The following SREK1IP1 variants were observed in gnomAD, a reference collection of about 807,000 sequenced individuals.
The protein encoded by SREK1IP1 is SREK1 interacting protein 1, also known as protein SREK1IP1.
SREK1IP1 carries 12 observed loss-of-function variants against 22.8 expected under a neutral mutation model. That is an observed-to-expected ratio of 0.53 (90% CI 0.34 to 0.85). SREK1IP1 has a LOEUF of 0.85. Ranked by LOEUF, SREK1IP1 falls within the 40% of genes least tolerant of loss-of-function variation. The pLI is 0.02. For missense variants in SREK1IP1, 147 were observed against 171.8 expected (o/e 0.86, Z 0.81); for synonymous variants, 53 against 52.7 (o/e 1.01, Z -0.02).
rs1742125273 is a variant in SREK1IP1, at chr5:64,719,777, C to T, written c.*4607G>A. ...TGGGTTGTGCTATAGAAGAGGCACC[C>T]CAATTCTCTGCCACTCTACCTATTT... On this transcript the variant is annotated 3_prime_UTR_variant, in exon 5 of 5. Coordinates refer to ENST00000513458, the MANE Select transcript of SREK1IP1 (RefSeq NM_173829.4). The T allele has an allele frequency of 6.6e-6, 1 of 152,180 alleles. No individual in the cohort carries two copies. The highest frequency in any genetic ancestry group is 2.4e-5 in the African/African-American group (1 of 41,440). The allele number at this position is 152,180 out of a possible 1,614,324, so 9.4% of individuals were successfully genotyped here. A position where few individuals can be genotyped will look rare whatever the true frequency, so the allele number is the denominator to read the frequency against.
chr5:64,756,772 A>G (rs1419150939), intron 1 of SREK1IP1, among the ~76,000 whole-genome samples: 11 of 151,782 alleles, frequency 7.2e-5, no homozygotes, highest in African/African-American at 2.7e-4. Flanking sequence ...GACTACAGGC[A>G]CCCACCACCA....
rs59456636 is a variant in SREK1IP1 at position 64,757,861 on chromosome 5, C to CTTTTTTT, written c.14-3506_14-3500dup. ...GCTACTGTTTCTATTAGGTTCCTATCTTTTTTTTTTTTTTTTTTTTTTTTT... is the reference window on the plus strand; with the variant it reads ...GCTACTGTTTCTATTAGGTTCCTATCTTTTTTTTTTTTTTTTTTTTTTTTTTTTTTTT... On this transcript the variant is annotated intron_variant, in intron 1 of 4. Transcript: ENST00000513458. Among the ~76,000 whole-genome samples the CTTTTTTT allele has an allele frequency of 3.8e-4, 28 of 72,962 alleles. 5 individuals are homozygous for CTTTTTTT. The highest frequency in any genetic ancestry group is 1.4e-3 in the East Asian group (3 of 2,154). The allele number at this position is 72,962 out of a possible 152,430, so 47.9% of individuals were successfully genotyped here. A position where few individuals can be genotyped will look rare whatever the true frequency, so the allele number is the denominator to read the frequency against.
chr5:64,735,696 G>A (rs1742450618), intron 3 of SREK1IP1, among the ~76,000 whole-genome samples: 1 of 152,046 alleles, frequency 6.6e-6, no homozygotes, highest in African/African-American at 2.4e-5. Context: ...CACATGATCT[G>A]TAGTGTTATC....
Position 64,718,250 on chromosome 5 carries a change from A to T in SREK1IP1, c.*6134T>A. On this transcript the variant is annotated 3_prime_UTR_variant, in exon 5 of 5. Transcript: ENST00000513458. ...TTAAGATGTTTCTGTATCACATGAG[A>T]TTATGCTAATTATTCAGGAGAAATT... 2 of 378,122 alleles carry T rather than the reference A, an allele frequency of 5.3e-6. No individual in the cohort carries two copies. The highest frequency in any genetic ancestry group is 1.2e-4 in the South Asian group (2 of 16,006). The allele number at this position is 378,122 out of a possible 1,614,324, so 23.4% of individuals were successfully genotyped here.
At chr5:64,739,336 C>A (rs896021700) in intron 3 of SREK1IP1, among the ~76,000 whole-genome samples, 1 of 152,018 alleles carries the variant, frequency 6.6e-6, no homozygotes, top group Non-Finnish European at 1.5e-5. Context: ...ATGTTTTACC[C>A]TCTCTAGAAA....
chr5:64,729,201 T>C (rs1742330277), intron 3 of SREK1IP1, among the ~76,000 whole-genome samples: 1 of 152,226 alleles, frequency 6.6e-6, no homozygotes, highest in Non-Finnish European at 1.5e-5. Context: ...ATTTACTAAA[T>C]GCTTATGTGT....
At chr5:64,743,097 T>C in intron 2 of SREK1IP1, among the ~76,000 whole-genome samples, 1 of 152,212 alleles carries the variant, frequency 6.6e-6, no homozygotes, top group East Asian at 1.9e-4. Flanking sequence ...TAGGATGTAG[T>C]AAATTTAGGA....
rs190469238 is a variant in SREK1IP1, at chr5:64,734,737, T to C, written c.205+6320A>G. Among the ~76,000 whole-genome samples, 353 of 152,164 alleles carry C rather than the reference T, an allele frequency of 2.3e-3. 1 individual carries two copies. Among genetic ancestry groups the C allele is most frequent in the African/African-American group, 7.4e-3 (308 of 41,546 alleles). The stretch of plus-strand genomic sequence containing the variant: ...TCATTGCCAGTGTACAGAAATACAA[T>C]TGATTTCTGCTAACTGATCTTGTAG... On this transcript the variant is annotated intron_variant, in intron 3 of 4. Coordinates refer to ENST00000513458, the MANE Select transcript of SREK1IP1 (RefSeq NM_173829.4).
intron 2 of SREK1IP1, among the ~76,000 whole-genome samples, chr5:64,752,373 G>C (rs750510232): frequency 8.6e-5 from 13 of 151,832 alleles, no homozygotes; most frequent in African/African-American, 1.9e-4. Context: ...GGATGGTCTC[G>C]ATCTCCTGAC....
At chr5:64,726,729 A>G (rs574252569) in intron 4 of SREK1IP1, among the ~76,000 whole-genome samples, 4 of 152,168 alleles carry the variant, frequency 2.6e-5, no homozygotes, top group Non-Finnish European at 5.9e-5. Context: ...TGCTCAGAAC[A>G]CTTACATTAG....
intron 3 of SREK1IP1, among the ~76,000 whole-genome samples, chr5:64,729,272 T>C (rs61326384): frequency 0.043 from 6,481 of 152,248 alleles, 393 homozygotes; most frequent in African/African-American, 0.13. Flanking sequence ...AGGGAACTTA[T>C]AGTTAAGTGG....
chr5:64,734,924 G>A (rs993835909), intron 3 of SREK1IP1, among the ~76,000 whole-genome samples: 6 of 151,908 alleles, frequency 3.9e-5, no homozygotes, highest in Non-Finnish European at 4.4e-5. Flanking sequence ...TATTGCACTC[G>A]CTAGAATCTC....
At chr5:64,726,096 C>G (rs1742260064) in intron 4 of SREK1IP1, among the ~76,000 whole-genome samples, 1 of 151,568 alleles carries the variant, frequency 6.6e-6, no homozygotes, top group Non-Finnish European at 1.5e-5. Flanking sequence ...GTCTCAAACT[C>G]CAGACCTCAG....
chr5:64,725,882 G>A (rs1311542715), intron 4 of SREK1IP1, among the ~76,000 whole-genome samples: 1 of 91,518 alleles, frequency 1.1e-5, no homozygotes, highest in Admixed American at 1.3e-4. Flanking sequence ...TTTTTTTTCT[G>A]AGACAGAGTT....
chr5:64,745,673 G>A (rs1345068904), intron 2 of SREK1IP1, among the ~76,000 whole-genome samples: 1 of 151,642 alleles, frequency 6.6e-6, no homozygotes, highest in Non-Finnish European at 1.5e-5. Context: ...TCATTGAAAT[G>A]AATATTAAAA....
rs372372063 is a variant in SREK1IP1 at position 64,729,556 on chromosome 5, T to C, written c.206-1377A>G. On this transcript the variant is annotated intron_variant, in intron 3 of 4. Coordinates refer to ENST00000513458, the MANE Select transcript of SREK1IP1 (RefSeq NM_173829.4). ...GCAGGAACTTGCTTATTCAAGACCA[T>C]GAAGGCAACAGTAAGGATTTTACAT... 4.6e-5 allele frequency among the ~76,000 whole-genome samples: 7 copies of C among 152,210 alleles called. No homozygotes were observed. In the East Asian group the frequency reaches 1.4e-3, roughly 29 times the overall value.
chr5:64,742,674 C>G (rs1742570516), intron 2 of SREK1IP1, among the ~76,000 whole-genome samples: 1 of 152,072 alleles, frequency 6.6e-6, no homozygotes, highest in African/African-American at 2.4e-5. Flanking sequence ...TTATTTTTAT[C>G]CCCCACATCC....
At chr5:64,729,699 G>A (rs2112088161) in intron 3 of SREK1IP1, among the ~76,000 whole-genome samples, 1 of 152,248 alleles carries the variant, frequency 6.6e-6, no homozygotes, top group African/African-American at 2.4e-5. Context: ...CAGAGATGGT[G>A]TCCTGAGGTG....
intron 3 of SREK1IP1, among the ~76,000 whole-genome samples, chr5:64,731,587 T>A (rs1248771155): frequency 6.7e-6 from 1 of 148,184 alleles, no homozygotes; most frequent in African/African-American, 2.5e-5. Context: ...GAACTAGATA[T>A]AGGACGACAA....
Sources: gnomAD v4.1 joint callset for allele counts (sites outside exome capture counted in the v4.1 genomes callset) on GRCh38, gnomAD v4.1.1 for gene constraint, MANE v1.5 for transcripts, NCBI Gene and HGNC (gene_info 2026-07-23, HGNC 2026-07-21) for gene names.